Variants in MLLT3 observed in about 807,000 individuals in gnomAD.
MLLT3 encodes the protein MLLT3 super elongation complex subunit, also known as protein AF-9.
A neutral mutation model predicts 53.2 loss-of-function variants in MLLT3; 4 were observed. The observed-to-expected ratio is 0.08, with a 90% CI of 0.04 to 0.17. The LOEUF (loss-of-function observed/expected upper bound fraction) is 0.17, where lower values mean the gene tolerates loss of function less well. MLLT3 is among the 10% of genes least tolerant of loss of function. The probability of loss-of-function intolerance (pLI) is 1.00; values close to 1 mark genes in which losing one functional copy is unlikely to be tolerated. For missense variants in MLLT3, 569 were observed against 684.0 expected (o/e 0.83, Z 1.87); for synonymous variants, 283 against 230.6 (o/e 1.23, Z -2.06).
chr9:20,376,708 C>T (rs1821774594), intron 5 of MLLT3, among the ~76,000 whole-genome samples: 1 of 152,142 alleles, frequency 6.6e-6, no homozygotes, highest in Non-Finnish European at 1.5e-5. Flanking sequence ...TCAGCTTCCT[C>T]CCTTTTAAGC....
chr9:20,471,702 C>T (rs562708918), intron 2 of MLLT3, among the ~76,000 whole-genome samples: 3 of 152,086 alleles, frequency 2.0e-5, no homozygotes, highest in Non-Finnish European at 2.9e-5. Flanking sequence ...ACATATTTTG[C>T]CAACAGTTAC....
At chr9:20,596,318 GTATAGGAGTAC>G (rs1330899713) in intron 2 of MLLT3, among the ~76,000 whole-genome samples, 1 of 152,184 alleles carries the variant, frequency 6.6e-6, no homozygotes, top group Non-Finnish European at 1.5e-5. Context: ...TTAATTAAAT[GTATAGGAGTAC>G]CCTGATTTAA....
intron 2 of MLLT3, among the ~76,000 whole-genome samples, chr9:20,594,944 G>A (rs1055056969): frequency 6.6e-6 from 1 of 152,072 alleles, no homozygotes; most frequent in Non-Finnish European, 1.5e-5. Flanking sequence ...ATATAATCAA[G>A]AAATAACCAT....
At chr9:20,415,414 C>T (rs561848386) in intron 4 of MLLT3, 9 of 931,908 alleles carry the variant, frequency 9.7e-6, no homozygotes. Context: ...TGTTTAGGAA[C>T]AAAATCTAAG....
At position 20,579,972 on chromosome 9, in the gene MLLT3, C is replaced by A. The variant is rs74851211; in HGVS notation, c.193+40682G>T. The stretch of plus-strand genomic sequence containing the variant: ...AAGACTAATTAAATCTCACCAGACT[C>A]GTGTGAGGTAAATAGGGAGCAGTGA... On this transcript the variant is annotated intron_variant, in intron 2 of 10. Coordinates refer to ENST00000380338, the MANE Select transcript of MLLT3 (RefSeq NM_004529.4). Among the ~76,000 whole-genome samples, 449 of 152,254 alleles carry A rather than the reference C, an allele frequency of 2.9e-3. 2 individuals are homozygous for A. Among genetic ancestry groups the A allele is most frequent in the African/African-American group, 9.9e-3 (411 of 41,568 alleles).
chr9:20,592,785 T>G (rs1329200500), intron 2 of MLLT3, among the ~76,000 whole-genome samples: 4 of 152,162 alleles, frequency 2.6e-5, no homozygotes, highest in African/African-American at 4.8e-5. Context: ...AGAATGCAGG[T>G]GCACTTCAGC....
chr9:20,574,441 G>A (rs1014534102), intron 2 of MLLT3, among the ~76,000 whole-genome samples: 4 of 152,170 alleles, frequency 2.6e-5, no homozygotes, highest in Non-Finnish European at 5.9e-5. Context: ...GAAATAAAGT[G>A]AATACCACAA....
intron 2 of MLLT3, among the ~76,000 whole-genome samples, chr9:20,618,686 C>G (rs1164877953): frequency 6.6e-6 from 1 of 152,198 alleles, no homozygotes; most frequent in East Asian, 1.9e-4. Context: ...AGCAGCTTAC[C>G]ACGCCTAGCA....
At position 20,343,183 on chromosome 9, in the gene MLLT3, C is replaced by CAAA. The variant is rs71334526; in HGVS notation, c.*3257_*3259dup. ...TAGGTGGGCCTGTAAAAGATATCGGCAAAAAAAAAAAAAAAAAAAAAAAAA... is the reference window on the plus strand; with the variant it reads ...TAGGTGGGCCTGTAAAAGATATCGGCAAAAAAAAAAAAAAAAAAAAAAAAAAAA... On this transcript the variant is annotated 3_prime_UTR_variant, in exon 11 of 11. Coordinates refer to ENST00000380338, the MANE Select transcript of MLLT3 (RefSeq NM_004529.4). 695 of 40,222 alleles carry CAAA rather than the reference C, an allele frequency of 0.017. 24 individuals are homozygous for CAAA. The highest frequency in any genetic ancestry group is 0.025 in the Middle Eastern group (1 of 40). The allele number at this position is 40,222 out of a possible 1,614,324, so 2.5% of individuals were successfully genotyped here.
At chr9:20,348,979 A>C (rs1241019940) in intron 10 of MLLT3, among the ~76,000 whole-genome samples, 1 of 152,212 alleles carries the variant, frequency 6.6e-6, no homozygotes, top group East Asian at 1.9e-4. Context: ...AAATACTATG[A>C]ATCTAGTGAA....
At chr9:20,424,007 C>T (rs1823081358) in intron 4 of MLLT3, among the ~76,000 whole-genome samples, 1 of 152,062 alleles carries the variant, frequency 6.6e-6, no homozygotes, top group Admixed American at 6.6e-5. Flanking sequence ...CAACTATTTA[C>T]ATAGCACTTA....
intron 2 of MLLT3, among the ~76,000 whole-genome samples, chr9:20,534,962 C>T (rs1818440984): frequency 6.6e-6 from 1 of 152,048 alleles, no homozygotes; most frequent in East Asian, 1.9e-4. Context: ...GAACCAAAGA[C>T]ATGAACTAAT....
At chr9:20,561,170 A>G (rs7030287) in intron 2 of MLLT3, among the ~76,000 whole-genome samples, 2,914 of 152,160 alleles carry the variant, frequency 0.019, 86 homozygotes, top group African/African-American at 0.065. Context: ...CATGCATTTT[A>G]TTTCTCTAGT....
chr9:20,447,528 G>C (rs530566031), intron 4 of MLLT3, among the ~76,000 whole-genome samples: 107 of 152,244 alleles, frequency 7.0e-4, no homozygotes, highest in Admixed American at 3.9e-3. Context: ...ATGTTTCCAA[G>C]AGGTACCACT....
intron 7 of MLLT3, among the ~76,000 whole-genome samples, 183 bp from the exon 8 acceptor site, chr9:20,361,024 T>G (rs1435239033): frequency 6.6e-6 from 1 of 152,236 alleles, no homozygotes; most frequent in Non-Finnish European, 1.5e-5. Flanking sequence ...GTGCTTTACC[T>G]GCCATTTCTC....
intron 5 of MLLT3, among the ~76,000 whole-genome samples, chr9:20,387,897 C>A (rs1822081187): frequency 6.6e-6 from 1 of 152,164 alleles, no homozygotes; most frequent in Admixed American, 6.5e-5. Context: ...TTTTAAATAT[C>A]TGGAAGTTCC....
At chr9:20,493,691 C>T (rs1825009424) in intron 2 of MLLT3, among the ~76,000 whole-genome samples, 1 of 151,846 alleles carries the variant, frequency 6.6e-6, no homozygotes, top group Non-Finnish European at 1.5e-5. Context: ...ATGTTCACCC[C>T]AAAACATGTA....
intron 5 of MLLT3, among the ~76,000 whole-genome samples, chr9:20,399,222 A>G (rs1425195191): frequency 6.6e-6 from 1 of 152,162 alleles, no homozygotes; most frequent in Admixed American, 6.5e-5. Flanking sequence ...CAGACCAAAA[A>G]TTCCATCTCC....
At chr9:20,500,627 C>G (rs145161363) in intron 2 of MLLT3, among the ~76,000 whole-genome samples, 4 of 152,184 alleles carry the variant, frequency 2.6e-5, no homozygotes, top group Non-Finnish European at 4.4e-5. Flanking sequence ...CCACTCAGTT[C>G]AAATTAAATT....
Sources: allele counts gnomAD v4.1 joint callset (sites outside exome capture counted in the v4.1 genomes callset), GRCh38; gene constraint gnomAD v4.1.1; transcripts MANE v1.5; gene names NCBI Gene and HGNC (gene_info 2026-07-23, HGNC 2026-07-21).